IL4R: variants seen among roughly 807,000 people sequenced by gnomAD.
IL4R encodes the protein interleukin-4 receptor subunit alpha.
A neutral mutation model predicts 41.5 loss-of-function variants in IL4R; 17 were observed. The observed-to-expected ratio is 0.41, with a 90% CI of 0.28 to 0.61. The LOEUF is 0.61. Ranked by LOEUF, IL4R falls within the 20% of genes least tolerant of loss-of-function variation. The probability of loss-of-function intolerance (pLI) is 0.31; values close to 1 mark genes in which losing one functional copy is unlikely to be tolerated. For missense variants in IL4R, 974 were observed against 1,043.1 expected, an observed-to-expected ratio of 0.93 and a Z score of 0.91; for synonymous variants, 402 against 422.9, an observed-to-expected ratio of 0.95 and a Z score of 0.61.
intron 4 of IL4R, among the ~76,000 whole-genome samples, chr16:27,343,500 C>T (rs1197957347): frequency 6.6e-6 from 1 of 152,190 alleles, no homozygotes; most frequent in East Asian, 1.9e-4. Context: ...AATCTCGGCT[C>T]ACTGCAACCT....
intron 2 of IL4R, among the ~76,000 whole-genome samples, chr16:27,338,486 TG>T (rs1596803790): frequency 6.6e-6 from 1 of 151,804 alleles, no homozygotes; most frequent in East Asian, 1.9e-4. Context: ...CCCAAAGTGC[TG>T]GGATTACAGG....
chr16:27,357,389 C>G (rs1201553159), intron 8 of IL4R, among the ~76,000 whole-genome samples: 1 of 152,182 alleles, frequency 6.6e-6, no homozygotes, highest in Non-Finnish European at 1.5e-5. Context: ...AAGAGATCCT[C>G]CCATTTCAAC....
chr16:27,323,418 G>A (rs1295126114), intron 1 of IL4R, among the ~76,000 whole-genome samples: 1 of 152,146 alleles, frequency 6.6e-6, no homozygotes, highest in Non-Finnish European at 1.5e-5. Context: ...GCAAAAAAGA[G>A]TGGTGTATAA....
At chr16:27,348,624 A>G (rs1384938893) in intron 6 of IL4R, among the ~76,000 whole-genome samples, 1 of 152,024 alleles carries the variant, frequency 6.6e-6, no homozygotes, top group East Asian at 1.9e-4. Flanking sequence ...TTTTTTCTTG[A>G]CGGTTCTAAT....
chr16:27,362,855 C>T lies in IL4R; in HGVS notation c.1503C>T (p.Ser501=). 6.2e-7 allele frequency: 1 copy of T among 1,614,174 alleles called. No individual in the cohort carries two copies. The highest frequency in any genetic ancestry group is 8.5e-7 in the Non-Finnish European group (1 of 1,180,038). The change falls in exon 11 of 11, where the codon AGC becomes AGT. Residue 501 remains serine, a synonymous_variant. Transcript: ENST00000395762. ...IAGNPAYRSF[S]NSLSQSPCPR... ...GCAACCCTGCTTACCGCAGCTTCAG[C>T]AACTCCCTGAGCCAGTCACCGTGTC... is the stretch of plus-strand genomic sequence containing the variant.
Position 27,330,497 on chromosome 16 carries a change from C to T in IL4R, c.-19+299C>T, listed in dbSNP as rs77318275. On this transcript the variant is annotated intron_variant, in intron 2 of 10. Transcript: ENST00000395762. ...AGAAATCTGTAATACAGTATCACAG[C>T]TGGGATACTGACACTGATATAAGCT... Among the ~76,000 whole-genome samples, 446 of 152,238 alleles carry T rather than the reference C, an allele frequency of 2.9e-3. 4 individuals are homozygous for T. The highest frequency in any genetic ancestry group is 5.5e-3 in the Non-Finnish European group (374 of 67,998).
At chr16:27,336,377 C>T (rs1370925476) in intron 2 of IL4R, among the ~76,000 whole-genome samples, 1 of 152,014 alleles carries the variant, frequency 6.6e-6, no homozygotes, top group Admixed American at 6.6e-5. Context: ...AGAGGAAAAG[C>T]ACGCGTAAGG....
Position 27,364,332 on chromosome 16 carries a change from T to G in IL4R, c.*502T>G. On this transcript the variant is annotated 3_prime_UTR_variant, in exon 11 of 11. Transcript: ENST00000395762. ...TTGGGAAATCGATGAGAAATTGAAC[T>G]TCAGGGAGGGTGGTCATTGCCTAGA... The G allele has an allele frequency of 6.3e-6, 1 of 159,718 alleles. No homozygotes were observed. Among genetic ancestry groups the G allele is most frequent in the Non-Finnish European group, 1.4e-5 (1 of 72,716 alleles). 9.9% of individuals were successfully genotyped at this position (159,718 alleles called of 1,614,324 possible).
chr16:27,356,540 G>A (rs1407141588), intron 8 of IL4R, among the ~76,000 whole-genome samples: 1 of 152,154 alleles, frequency 6.6e-6, no homozygotes, highest in Non-Finnish European at 1.5e-5. Flanking sequence ...TTTTGCAAGG[G>A]GGACCAGGAT....
At chr16:27,358,651 A>G (rs1382294620) in intron 8 of IL4R, among the ~76,000 whole-genome samples, 1 of 152,218 alleles carries the variant, frequency 6.6e-6, no homozygotes, top group Non-Finnish European at 1.5e-5. Context: ...GCTGGGTAAC[A>G]GAATGCGGGA....
chr16:27,313,812 CG>C, upstream of IL4R: 1 of 660,490 alleles, frequency 1.5e-6, no homozygotes, highest in Non-Finnish European at 1.9e-6. Flanking sequence ...GCGACAGGGG[CG>C]CGAGGTGGCC....
At chr16:27,333,249 C>G (rs890588499) in intron 2 of IL4R, among the ~76,000 whole-genome samples, 4 of 150,692 alleles carry the variant, frequency 2.7e-5, no homozygotes, top group African/African-American at 9.8e-5. Flanking sequence ...GGAGATTTTG[C>G]AGATGATAAA....
chr16:27,360,937 T>C (rs2086260211), intron 10 of IL4R, 122 bp downstream of exon 10: 1 of 1,595,304 alleles, frequency 6.3e-7, no homozygotes, highest in Non-Finnish European at 8.6e-7. Context: ...CCTGTGACAT[T>C]AGCCTTCAAG....
chr16:27,340,453 T>C (rs2085404835), intron 3 of IL4R, among the ~76,000 whole-genome samples, 180 bp downstream of exon 3: 1 of 152,184 alleles, frequency 6.6e-6, no homozygotes, highest in South Asian at 2.1e-4. Flanking sequence ...CCGGGTGCAG[T>C]GGCTCACACC....
chr16:27,362,434 G>A lies in IL4R; in HGVS notation c.1082G>A (p.Cys361Tyr), dbSNP rs751339888. ...CCAGAGAGCATCAGCGTGGTGCGAT[G>A]TGTGGAGTTGTTTGAGGCCCCGGTG... ...LWPESISVVR[C>Y]VELFEAPVEC... Residue 361 changes from cysteine to tyrosine, a missense_variant, in exon 11 of 11, where the codon TGT becomes TAT. This residue lies in a region of IL4R where 682 missense variants were observed against 704.3 expected (regional missense o/e 0.97). Coordinates refer to ENST00000395762, the MANE Select transcript of IL4R (RefSeq NM_000418.4). 21 of 1,614,086 alleles carry A rather than the reference G, an allele frequency of 1.3e-5. No homozygotes were observed. Among genetic ancestry groups the A allele is most frequent in the Non-Finnish European group, 1.8e-5 (21 of 1,180,052 alleles).
chr16:27,314,235 C>A, intron 1 of IL4R: 1 of 490,620 alleles, frequency 2.0e-6, no homozygotes, highest in Non-Finnish European at 2.7e-6. Flanking sequence ...GCCCGGGGTA[C>A]GTGGACACCC....
chr16:27,349,977 C>T (rs1024558670), intron 6 of IL4R, among the ~76,000 whole-genome samples: 1 of 152,196 alleles, frequency 6.6e-6, no homozygotes, highest in Admixed American at 6.5e-5. Flanking sequence ...TCTGGATCTC[C>T]TGGCTTCAAG....
intron 7 of IL4R, among the ~76,000 whole-genome samples, chr16:27,354,391 G>GCTGCTA (rs936478606): frequency 1.3e-5 from 2 of 152,208 alleles, no homozygotes; most frequent in Admixed American, 1.3e-4. Flanking sequence ...GAAAGGAAAG[G>GCTGCTA]CTGCTACGAG....
At chr16:27,323,870 G>GAA (rs2084882448) in intron 1 of IL4R, among the ~76,000 whole-genome samples, 1 of 152,062 alleles carries the variant, frequency 6.6e-6, no homozygotes, top group Non-Finnish European at 1.5e-5. Context: ...TGTTACCCAG[G>GAA]CTGGTCTTGA....
Sources: allele counts gnomAD v4.1 joint callset (sites outside exome capture counted in the v4.1 genomes callset), GRCh38; gene constraint gnomAD v4.1.1; regional missense constraint gnomAD v4.1.1; transcripts MANE v1.5; gene names NCBI Gene and HGNC (gene_info 2026-07-23, HGNC 2026-07-21).